The following NTN1 variants were observed in gnomAD, a reference collection of about 807,000 sequenced individuals.
NTN1 encodes the protein netrin 1, also known as netrin-1.
In NTN1, 11 loss-of-function variants were observed where a neutral mutation model predicts 54.2. That is an observed-to-expected ratio of 0.20 (90% confidence interval 0.13 to 0.34). The LOEUF is 0.34. NTN1 is among the 10% of genes least tolerant of loss of function. NTN1 has a pLI of 1.00. For missense variants in NTN1, 740 were observed against 893.1 expected (o/e 0.83, Z 2.18); for synonymous variants, 371 against 382.0 (o/e 0.97, Z 0.33).
intron 2 of NTN1, among the ~76,000 whole-genome samples, chr17:9,100,594 C>T (rs2092147324): frequency 6.6e-6 from 1 of 152,168 alleles, no homozygotes; most frequent in Non-Finnish European, 1.5e-5. Flanking sequence ...AGCCACTGCG[C>T]CTGGCCTTAT....
At chr17:9,153,291 A>T (rs1431951635) in intron 2 of NTN1, among the ~76,000 whole-genome samples, 1 of 152,106 alleles carries the variant, frequency 6.6e-6, no homozygotes, top group East Asian at 1.9e-4. Flanking sequence ...TATTAAAAAT[A>T]CAAAAACATT....
chr17:9,080,130 C>T (rs1396374647), intron 2 of NTN1, among the ~76,000 whole-genome samples: 1 of 152,260 alleles, frequency 6.6e-6, no homozygotes, highest in Non-Finnish European at 1.5e-5. Flanking sequence ...GGCCTGTTTC[C>T]AGGCTCCTTG....
intron 3 of NTN1, among the ~76,000 whole-genome samples, chr17:9,168,943 G>A (rs2092380083): frequency 6.6e-6 from 1 of 152,162 alleles, no homozygotes; most frequent in African/African-American, 2.4e-5. Flanking sequence ...GGCAAGGAGT[G>A]GGCTTCATTA....
At chr17:9,096,678 G>A (rs185780484) in intron 2 of NTN1, among the ~76,000 whole-genome samples, 139 of 152,106 alleles carry the variant, frequency 9.1e-4, no homozygotes, top group African/African-American at 3.2e-3. Context: ...GCCCATCATA[G>A]CATCTTTAAT....
intron 2 of NTN1, among the ~76,000 whole-genome samples, chr17:9,024,416 G>T (rs2091863534): frequency 6.6e-6 from 1 of 152,224 alleles, no homozygotes; most frequent in Non-Finnish European, 1.5e-5. Context: ...GTCTGTAAAT[G>T]TCCCATTTGG....
intron 5 of NTN1, among the ~76,000 whole-genome samples, chr17:9,217,492 TG>T (rs1905240634): frequency 6.6e-6 from 1 of 152,128 alleles, no homozygotes; most frequent in Non-Finnish European, 1.5e-5. Flanking sequence ...TTTAAAGGTG[TG>T]GTTTGTCCAT....
chr17:9,098,495 G>A (rs1287719659), intron 2 of NTN1, among the ~76,000 whole-genome samples: 1 of 152,250 alleles, frequency 6.6e-6, no homozygotes, highest in Non-Finnish European at 1.5e-5. Flanking sequence ...TATCTGGCCT[G>A]TCTGATGCAG....
At position 9,165,122 on chromosome 17, in the gene NTN1, C is replaced by G. The variant is rs1460330241; in HGVS notation, c.1207+2121C>G. On this transcript the variant is annotated intron_variant, in intron 3 of 6. Transcript: ENST00000173229. This position sits in a 1 kb window ranked among gnomAD's most constrained non-coding sequence, Gnocchi z 4.5. ...AACAGCGGCCACTCAGGTGGGCAGTCCTGTGCCTGAGAGTGAGAAGGTCTG... is the reference window on the plus strand; with the variant it reads ...AACAGCGGCCACTCAGGTGGGCAGTGCTGTGCCTGAGAGTGAGAAGGTCTG... Among the ~76,000 whole-genome samples the G allele has an allele frequency of 6.6e-6, 1 of 152,164 alleles. No individual in the cohort carries two copies. Among genetic ancestry groups the G allele is most frequent in the African/African-American group, 2.4e-5 (1 of 41,434 alleles).
At chr17:9,180,425 T>C (rs916445703) in intron 4 of NTN1, among the ~76,000 whole-genome samples, 6 of 152,236 alleles carry the variant, frequency 3.9e-5, no homozygotes, top group Non-Finnish European at 5.9e-5. Context: ...CCCAAGCTCA[T>C]AGAGTTCTTG....
chr17:9,055,413 A>C (rs969776548), intron 2 of NTN1, among the ~76,000 whole-genome samples: 1 of 152,158 alleles, frequency 6.6e-6, no homozygotes, highest in East Asian at 1.9e-4. Flanking sequence ...AGCAGAAGTA[A>C]AAGAAGTGAT....
Position 9,221,147 on chromosome 17 carries a change from T to TGGGCCCCC in NTN1, c.1412-21_1412-20insGGGCCCCC. 3 of 1,303,776 alleles carry TGGGCCCCC rather than the reference T, an allele frequency of 2.3e-6. No homozygotes were observed. Among genetic ancestry groups the TGGGCCCCC allele is most frequent in the East Asian group, 3.4e-5 (1 of 29,414 alleles). The allele number at this position is 1,303,776 out of a possible 1,614,324, so 80.8% of individuals were successfully genotyped here. A position where few individuals can be genotyped will look rare whatever the true frequency, so the allele number is the denominator to read the frequency against. ...CAGCCTAATTAGTTTTTGTCTGTGC[T>TGGGCCCCC]CCCCCCCCACCCCCCTGCAGACTGC... On this transcript the variant is annotated intron_variant, in intron 5 of 6. Coordinates refer to ENST00000173229, the MANE Select transcript of NTN1 (RefSeq NM_004822.3). The surrounding 1 kb of genome is among the most constrained non-coding windows in gnomAD (Gnocchi z 4.5).
In NTN1 at chr17:9,091,452, G is replaced by A. The variant is rs563849484; in HGVS notation, c.1018+68061G>A. On this transcript the variant is annotated intron_variant, in intron 2 of 6. Coordinates refer to ENST00000173229, the MANE Select transcript of NTN1 (RefSeq NM_004822.3). ...AACTGGATCCTACGTTTAACCCCCC[G>A]CCTTTTTTTTTTTTTTTTGAGATGG... Among the ~76,000 whole-genome samples, 621 of 106,592 alleles carry A rather than the reference G, an allele frequency of 5.8e-3. 5 individuals carry two copies. The highest frequency in any genetic ancestry group is 0.019 in the African/African-American group (575 of 29,592). 69.9% of individuals were successfully genotyped at this position (106,592 alleles called of 152,430 possible). A position where few individuals can be genotyped will look rare whatever the true frequency, so the allele number is the denominator to read the frequency against.
chr17:9,204,267 T>C (rs1904901802), intron 5 of NTN1, among the ~76,000 whole-genome samples: 1 of 144,440 alleles, frequency 6.9e-6, no homozygotes, highest in Non-Finnish European at 1.5e-5. Context: ...TCTCTCTCCT[T>C]CTCTCTCTCT....
intron 1 of NTN1, among the ~76,000 whole-genome samples, chr17:9,021,987 C>A (rs1597460393): frequency 1.3e-5 from 2 of 152,172 alleles, no homozygotes; most frequent in East Asian, 1.9e-4. Flanking sequence ...CCCCAGCTCT[C>A]CTGCGCCCGA....
chr17:9,033,013 G>A (rs2091892593), intron 2 of NTN1, among the ~76,000 whole-genome samples: 1 of 149,564 alleles, frequency 6.7e-6, no homozygotes, highest in Admixed American at 6.7e-5. Context: ...GAGTGCAATG[G>A]CACCGTGTCA....
intron 2 of NTN1, among the ~76,000 whole-genome samples, chr17:9,115,789 G>A (rs906182028): frequency 6.6e-6 from 1 of 152,242 alleles, no homozygotes; most frequent in Non-Finnish European, 1.5e-5. Flanking sequence ...GCCTTGGATG[G>A]GGCTTGCTGG....
intron 2 of NTN1, among the ~76,000 whole-genome samples, chr17:9,139,115 T>C (rs2092289956): frequency 6.6e-6 from 1 of 152,116 alleles, no homozygotes; most frequent in South Asian, 2.1e-4. Flanking sequence ...GCATAGTCTT[T>C]CGTGGAGGGG....
At chr17:9,175,694 C>T (rs753438822) in intron 3 of NTN1, 1 of 152,198 alleles carries the variant, frequency 6.6e-6, no homozygotes, top group African/African-American at 2.4e-5. Context: ...TGTCTGAAAG[C>T]GCGTGGGTCA....
chr17:9,038,859 A>G (rs2091912190), intron 2 of NTN1, among the ~76,000 whole-genome samples: 1 of 152,098 alleles, frequency 6.6e-6, no homozygotes, highest in Non-Finnish European at 1.5e-5. Flanking sequence ...GGGGTTCTGC[A>G]TTACCTCAGT....
Sources: allele counts gnomAD v4.1 joint callset (sites outside exome capture counted in the v4.1 genomes callset), GRCh38; gene constraint gnomAD v4.1.1; non-coding constraint Gnocchi (gnomAD v3.1); transcripts MANE v1.5; gene names NCBI Gene and HGNC (gene_info 2026-07-23, HGNC 2026-07-21).